ZC3H12C: variants seen among roughly 807,000 people sequenced by gnomAD.
ZC3H12C encodes the protein zinc finger CCCH-type containing 12C.
Under a neutral mutation model 76.3 loss-of-function variants are expected in ZC3H12C, and 20 were observed. The observed-to-expected ratio is 0.26, with a 90% CI of 0.18 to 0.38. The LOEUF (loss-of-function observed/expected upper bound fraction) is 0.38, where lower values mean the gene tolerates loss of function less well. ZC3H12C is among the 10% of genes least tolerant of loss of function. ZC3H12C has a pLI of 1.00. For missense variants in ZC3H12C, 874 were observed against 1,086.5 expected (o/e 0.80, Z 2.75); for synonymous variants, 352 against 399.6 (o/e 0.88, Z 1.42).
chr11:110,099,584 AT>A (rs1301353479), intron 1 of ZC3H12C, among the ~76,000 whole-genome samples: 3 of 152,096 alleles, frequency 2.0e-5, no homozygotes, highest in Admixed American at 6.5e-5. Context: ...TTACCCAATT[AT>A]TTTTTTTATT....
At chr11:110,099,561 T>C (rs570555751) in intron 1 of ZC3H12C, among the ~76,000 whole-genome samples, 2 of 152,318 alleles carry the variant, frequency 1.3e-5, no homozygotes, top group African/African-American at 4.8e-5. Context: ...CAGGTTAATA[T>C]TTTGATATAT....
At chr11:110,100,547 T>A (rs1159347613) in intron 1 of ZC3H12C, among the ~76,000 whole-genome samples, 2 of 152,234 alleles carry the variant, frequency 1.3e-5, no homozygotes, top group Admixed American at 6.5e-5. Flanking sequence ...TAGCATTTGC[T>A]CCCTTTGTGT....
Position 110,136,778 on chromosome 11 carries a change from A to T in ZC3H12C, c.137A>T (p.Tyr46Phe). Reference sequence around the variant, plus strand: ...CTAGGGCATGACCTCGGCCACCTTTATGTGGAGAGCACTGACCCACAGTTA... The same window carrying T: ...CTAGGGCATGACCTCGGCCACCTTTTTGTGGAGAGCACTGACCCACAGTTA... ...DHLGHDLGHL[Y>F]VESTDPQLSP... Residue 46 changes from tyrosine to phenylalanine, a missense_variant, in exon 2 of 6, where the codon TAT becomes TTT. Physicochemically the swap from Tyr to Phe is conservative, Grantham distance 22 (BLOSUM62 3). This residue lies in a region of ZC3H12C where 210 missense variants were observed against 227.1 expected (regional missense o/e 0.92). Transcript: ENST00000278590. 1 of 1,614,004 alleles carries T rather than the reference A, an allele frequency of 6.2e-7. No individual in the cohort carries two copies. Among genetic ancestry groups the T allele is most frequent in the Non-Finnish European group, 8.5e-7 (1 of 1,179,878 alleles).
At chr11:110,114,644 G>A (rs747831280) in intron 1 of ZC3H12C, among the ~76,000 whole-genome samples, 2 of 152,230 alleles carry the variant, frequency 1.3e-5, no homozygotes, top group Non-Finnish European at 2.9e-5. Flanking sequence ...ACTCATGAAA[G>A]TATTACTTTA....
chr11:110,094,890 GTCTA>G lies in ZC3H12C; in HGVS notation c.21+1462_21+1465del, dbSNP rs1320969291. On this transcript the variant is annotated intron_variant, in intron 1 of 5. Coordinates refer to ENST00000278590, the MANE Select transcript of ZC3H12C (RefSeq NM_033390.2). ...TGTTTTAATATTTTTACATGAAAGAGTCTATCTTACTTTCAAAGTAAGTTACAAG... is the reference window on the plus strand; with the variant it reads ...TGTTTTAATATTTTTACATGAAAGAGTCTTACTTTCAAAGTAAGTTACAAG... 1.8e-4 allele frequency among the ~76,000 whole-genome samples: 27 copies of G among 152,276 alleles called. No homozygotes were observed. The South Asian group carries it at 2.5e-3, about 14-fold the overall frequency.
At chr11:110,162,112 G>T (rs1044008736) in intron 4 of ZC3H12C, among the ~76,000 whole-genome samples, 1 of 152,212 alleles carries the variant, frequency 6.6e-6, no homozygotes, top group South Asian at 2.1e-4. Context: ...CTCCAGCCTG[G>T]GTGAAACAGC....
At chr11:110,099,758 G>C (rs1861178293) in intron 1 of ZC3H12C, among the ~76,000 whole-genome samples, 2 of 150,886 alleles carry the variant, frequency 1.3e-5, no homozygotes, top group South Asian at 2.1e-4. Context: ...GTTGCAATGA[G>C]CTGAGATTGT....
intron 2 of ZC3H12C, among the ~76,000 whole-genome samples, chr11:110,152,291 C>T (rs530455950): frequency 5.9e-5 from 9 of 152,292 alleles, no homozygotes; most frequent in South Asian, 2.1e-4. Context: ...TTGTCCAACA[C>T]GATATAGTTG....
Position 110,166,347 on chromosome 11 carries a change from A to G in ZC3H12C, c.*610A>G, listed in dbSNP as rs1422514631. ...GTTTTATGTTGAAATGTGTTACAGT[A>G]TATATATATTAGAATGATTTACAAT... On this transcript the variant is annotated 3_prime_UTR_variant, in exon 6 of 6. Transcript: ENST00000278590. The G allele has an allele frequency of 6.6e-6, 1 of 152,150 alleles. No individual in the cohort carries two copies. Among genetic ancestry groups the G allele is most frequent in the Non-Finnish European group, 1.5e-5 (1 of 68,042 alleles). The allele number at this position is 152,150 out of a possible 1,614,324, so 9.4% of individuals were successfully genotyped here.
intron 1 of ZC3H12C, among the ~76,000 whole-genome samples, chr11:110,113,017 T>A (rs1267596089): frequency 2.0e-5 from 3 of 151,718 alleles, no homozygotes; most frequent in Admixed American, 6.6e-5. Flanking sequence ...AAAAAAGATT[T>A]AAAAAAAAGT....
At chr11:110,123,370 T>C (rs986078482) in intron 1 of ZC3H12C, among the ~76,000 whole-genome samples, 2 of 152,234 alleles carry the variant, frequency 1.3e-5, no homozygotes, top group African/African-American at 2.4e-5. Flanking sequence ...AAACACTAAA[T>C]GGGAAACTAA....
intron 1 of ZC3H12C, 59 bp downstream of exon 1, chr11:110,093,491 G>C: frequency 1.7e-6 from 2 of 1,168,884 alleles, no homozygotes; most frequent in Non-Finnish European, 2.1e-6. Context: ...TCCTGGGGTA[G>C]CCGGTCGTGG....
At position 110,137,119 on chromosome 11, in the gene ZC3H12C, C is replaced by T. The variant is rs1861979333; in HGVS notation, c.478C>T (p.Arg160Ter). 2 of 1,613,706 alleles carry T rather than the reference C, an allele frequency of 1.2e-6. No homozygotes were observed. The highest frequency in any genetic ancestry group is 1.7e-6 in the Non-Finnish European group (2 of 1,179,802). The change falls in exon 2 of 6, where the codon CGA becomes TGA. Residue 160 changes from arginine to a stop codon, truncating the protein, a stop_gained. Transcript: ENST00000278590. LOFTEE classifies it high-confidence loss of function. Reference protein sequence around the residue: ...KEAKKPPDVVREYQTKLEFAL... With the variant: ...KEAKKPPDVV ...AGCAAAGAAACCACCTGATGTGGTGCGAGAATACCAAACAAAACTGGAGTT... is the reference window on the plus strand; with the variant it reads ...AGCAAAGAAACCACCTGATGTGGTGTGAGAATACCAAACAAAACTGGAGTT...
intron 3 of ZC3H12C, among the ~76,000 whole-genome samples, chr11:110,158,938 C>A (rs1029570168): frequency 2.0e-5 from 3 of 152,216 alleles, no homozygotes; most frequent in Non-Finnish European, 1.5e-5. Flanking sequence ...GAAGCTGTGT[C>A]CATAGTGGTC....
intron 1 of ZC3H12C, among the ~76,000 whole-genome samples, chr11:110,094,390 T>C (rs1456582453): frequency 1.3e-5 from 2 of 152,202 alleles, no homozygotes; most frequent in Admixed American, 6.5e-5. Flanking sequence ...CTAAGTATTG[T>C]ATGTTTAGGA....
Position 110,135,163 on chromosome 11 carries a change from GTATC to G in ZC3H12C, c.22-1498_22-1495del, listed in dbSNP as rs576155189. ...CAACTATCGCTGGCTTGCTAATGCTGTATCTGCGTAGAATACCAGAATTGCCTTA... is the reference window on the plus strand; with the variant it reads ...CAACTATCGCTGGCTTGCTAATGCTGTGCGTAGAATACCAGAATTGCCTTA... On this transcript the variant is annotated intron_variant, in intron 1 of 5. Coordinates refer to ENST00000278590, the MANE Select transcript of ZC3H12C (RefSeq NM_033390.2). 4.8e-3 allele frequency among the ~76,000 whole-genome samples: 731 copies of G among 152,184 alleles called. 5 individuals are homozygous for G. Among genetic ancestry groups the G allele is most frequent in the Non-Finnish European group, 7.3e-3 (495 of 67,994 alleles).
At chr11:110,151,637 C>G (rs1862272057) in intron 2 of ZC3H12C, among the ~76,000 whole-genome samples, 1 of 152,110 alleles carries the variant, frequency 6.6e-6, no homozygotes. Flanking sequence ...AACCTAATAT[C>G]ACTTTGTACC....
Position 110,129,789 on chromosome 11 carries a change from A to T in ZC3H12C, c.22-6874A>T, listed in dbSNP as rs925424714. ...TTTTCTTTAGTAGGGAAATATCCTT[A>T]CAATGCCTTATAGTATTTACATTTT... On this transcript the variant is annotated intron_variant, in intron 1 of 5. Transcript: ENST00000278590. Among the ~76,000 whole-genome samples, 9 of 149,354 alleles carry T rather than the reference A, an allele frequency of 6.0e-5. No individual in the cohort carries two copies. The South Asian group carries it at 1.1e-3, about 18-fold the overall frequency.
intron 2 of ZC3H12C, among the ~76,000 whole-genome samples, chr11:110,149,219 A>T (rs1862223485): frequency 6.6e-6 from 1 of 152,176 alleles, no homozygotes; most frequent in Non-Finnish European, 1.5e-5. Context: ...GGGCCTCATC[A>T]GGGGAATATT....
Sources: gnomAD v4.1 joint callset for allele counts (sites outside exome capture counted in the v4.1 genomes callset) on GRCh38, gnomAD v4.1.1 for gene constraint, gnomAD v4.1.1 regional missense constraint, MANE v1.5 for transcripts, NCBI Gene and HGNC (gene_info 2026-07-23, HGNC 2026-07-21) for gene names.